The following DENND5B variants were observed in gnomAD, a reference collection of about 807,000 sequenced individuals.
DENND5B encodes the protein DENN domain containing 5B, also known as DENN domain-containing protein 5B.
DENND5B carries 34 observed loss-of-function variants against 140.6 expected under a neutral mutation model. That is an observed-to-expected ratio of 0.24 (90% CI 0.18 to 0.32). DENND5B has a LOEUF of 0.32. Ranked by LOEUF, DENND5B falls within the 10% of genes least tolerant of loss-of-function variation. The pLI is 1.00. For missense variants in DENND5B, 1,142 were observed against 1,560.2 expected (o/e 0.73, Z 4.52); for synonymous variants, 551 against 562.1 (o/e 0.98, Z 0.28).
intron 9 of DENND5B, among the ~76,000 whole-genome samples, chr12:31,425,310 C>G (rs1233534917): frequency 6.6e-6 from 1 of 152,184 alleles, no homozygotes. Flanking sequence ...GAGCGAGACT[C>G]TGTCTCAAAA....
chr12:31,544,438 C>G (rs1272992205), intron 1 of DENND5B, among the ~76,000 whole-genome samples: 1 of 152,084 alleles, frequency 6.6e-6, no homozygotes, highest in African/African-American at 2.4e-5. Context: ...TGTGCCTCCA[C>G]ATCCAGCTAA....
chr12:31,526,673 G>C (rs1485967039), intron 1 of DENND5B, among the ~76,000 whole-genome samples: 1 of 152,120 alleles, frequency 6.6e-6, no homozygotes, highest in Non-Finnish European at 1.5e-5. Context: ...ACAGAAAAAG[G>C]GTATTAGTGG....
chr12:31,569,475 AT>A (rs1281540854), intron 1 of DENND5B, among the ~76,000 whole-genome samples: 1 of 152,062 alleles, frequency 6.6e-6, no homozygotes, highest in Non-Finnish European at 1.5e-5. Flanking sequence ...CCCTTACATT[AT>A]TTTGTGACTG....
chr12:31,569,060 CTTTTT>C (rs1234009016), intron 1 of DENND5B, among the ~76,000 whole-genome samples: 2 of 93,148 alleles, frequency 2.1e-5, no homozygotes, highest in African/African-American at 5.0e-5. Flanking sequence ...AGCAACATAC[CTTTTT>C]TTTTTTTTTT....
intron 4 of DENND5B, among the ~76,000 whole-genome samples, chr12:31,455,524 C>T (rs10506072): frequency 0.052 from 7,897 of 152,042 alleles, 316 homozygotes; most frequent in Middle Eastern, 0.085. Context: ...CCAAAACAAA[C>T]GAGAACTCTA....
At chr12:31,431,722 G>A (rs1054260572) in intron 8 of DENND5B, among the ~76,000 whole-genome samples, 1 of 152,096 alleles carries the variant, frequency 6.6e-6, no homozygotes, top group African/African-American at 2.4e-5. Flanking sequence ...ATAAAGGGGA[G>A]TTTGTATATT....
At chr12:31,540,255 G>A (rs1273368410) in intron 1 of DENND5B, among the ~76,000 whole-genome samples, 1 of 152,144 alleles carries the variant, frequency 6.6e-6, no homozygotes, top group African/African-American at 2.4e-5. Context: ...ATATTCATGG[G>A]TTGGAAAACT....
chr12:31,479,783 G>C lies in DENND5B; in HGVS notation c.710C>G (p.Pro237Arg). The C allele has an allele frequency of 6.2e-7, 1 of 1,611,408 alleles. No individual in the cohort carries two copies. The highest frequency in any genetic ancestry group is 8.5e-7 in the Non-Finnish European group (1 of 1,178,734). The change falls in exon 3 of 21, where the codon CCC (proline) becomes CGC (arginine). Residue 237 changes from proline to arginine, a missense_variant. Around this residue, in one of 5 missense-constraint regions of DENND5B, gnomAD observed 708 missense variants for 905.5 expected, o/e 0.78. Transcript: ENST00000389082. ...SYIHNILYEVPLPPPGRSLKF... is the reference protein window; with the variant it reads ...SYIHNILYEVRLPPPGRSLKF... ...CAGTGACCTCCCTGGAGGTGGAAGG[G>C]GTACTTCATAAAGAATATTGTGGAT... is the stretch of plus-strand genomic sequence containing the variant.
At chr12:31,502,076 G>A (rs1035078741) in intron 1 of DENND5B, among the ~76,000 whole-genome samples, 44 of 152,092 alleles carry the variant, frequency 2.9e-4, no homozygotes, top group Non-Finnish European at 4.4e-5. Context: ...TAGCACTTTG[G>A]GAGGCGGAGG....
intron 14 of DENND5B, among the ~76,000 whole-genome samples, chr12:31,408,317 A>C (rs557680746): frequency 6.6e-6 from 1 of 151,106 alleles, no homozygotes; most frequent in African/African-American, 2.4e-5. Flanking sequence ...CAAAAACAAT[A>C]ACAACAACAA....
intron 1 of DENND5B, among the ~76,000 whole-genome samples, chr12:31,565,024 T>G (rs1017633645): frequency 6.6e-6 from 1 of 152,210 alleles, no homozygotes; most frequent in Non-Finnish European, 1.5e-5. Context: ...TCCTAACAGA[T>G]TTAATCAATG....
intron 1 of DENND5B, chr12:31,534,940 G>A (rs4930980): frequency 0.56 from 165,731 of 294,562 alleles, 47,744 homozygotes; most frequent in East Asian, 0.83. Context: ...TGGGTGTGGC[G>A]GCGTGTGCCT....
At chr12:31,405,688 C>T (rs1007421128) in intron 14 of DENND5B, among the ~76,000 whole-genome samples, 15 of 151,606 alleles carry the variant, frequency 9.9e-5, no homozygotes, top group Admixed American at 1.3e-4. Context: ...GTTGGGATTA[C>T]GGGGGCTTGC....
chr12:31,476,822 A>C lies in DENND5B; in HGVS notation c.904+2767T>G, dbSNP rs376464778. On this transcript the variant is annotated intron_variant, in intron 3 of 20. Transcript: ENST00000389082. ...AAAGGCAAAACAAAAGAACCCACCC[A>C]CCCCCAATATTCTTTCTAACCCAAA... is the stretch of plus-strand genomic sequence containing the variant. 8.4e-4 allele frequency among the ~76,000 whole-genome samples: 127 copies of C among 151,990 alleles called. 7 individuals carry two copies. The East Asian group carries it at 0.022, about 26-fold the overall frequency.
At chr12:31,529,396 C>T in intron 1 of DENND5B, among the ~76,000 whole-genome samples, 1 of 152,094 alleles carries the variant, frequency 6.6e-6, no homozygotes, top group Non-Finnish European at 1.5e-5. Flanking sequence ...TTTTCTGGTT[C>T]CCCTCAATTT....
intron 8 of DENND5B, among the ~76,000 whole-genome samples, chr12:31,430,695 T>C (rs1943473057): frequency 6.6e-6 from 1 of 151,928 alleles, no homozygotes; most frequent in Non-Finnish European, 1.5e-5. Context: ...GTTTAAAGTT[T>C]ATGTCCTGTT....
intron 1 of DENND5B, among the ~76,000 whole-genome samples, chr12:31,548,470 G>A (rs1311215089): frequency 6.6e-6 from 1 of 151,796 alleles, no homozygotes; most frequent in Non-Finnish European, 1.5e-5. Context: ...TCTAAGACCA[G>A]GTTCTTTTCC....
intron 1 of DENND5B, among the ~76,000 whole-genome samples, chr12:31,572,365 A>G (rs1299969496): frequency 1.3e-5 from 2 of 152,210 alleles, no homozygotes; most frequent in Admixed American, 6.5e-5. Flanking sequence ...CATTGTTACA[A>G]ATCTTTCTGA....
rs981194426 is a variant in DENND5B at position 31,398,367 on chromosome 12, T to A, written c.3069-5A>T. The A allele has an allele frequency of 8.5e-6, 13 of 1,528,742 alleles. No individual in the cohort carries two copies. In the African/African-American group the frequency reaches 1.8e-4, roughly 21 times the overall value. 94.7% of individuals were successfully genotyped at this position (1,528,742 alleles called of 1,614,324 possible). On this transcript the variant is annotated splice_polypyrimidine_tract_variant and splice_region_variant and intron_variant, in intron 16 of 20. Coordinates refer to ENST00000389082, the MANE Select transcript of DENND5B (RefSeq NM_144973.4). ...AGCCACCGCCCACATGGGAATCTGG[T>A]AGGACAGAAAACAAGTTTTTTATTT...
Sources: allele counts gnomAD v4.1 joint callset (sites outside exome capture counted in the v4.1 genomes callset), GRCh38; gene constraint gnomAD v4.1.1; regional missense constraint gnomAD v4.1.1; transcripts MANE v1.5; gene names NCBI Gene and HGNC (gene_info 2026-07-23, HGNC 2026-07-21).